HNF1B: variants seen among roughly 807,000 people sequenced by gnomAD.
HNF1B encodes hepatocyte nuclear factor 1-beta.
A neutral mutation model predicts 61.7 loss-of-function variants in HNF1B; 8 were observed. The observed-to-expected ratio is 0.13, with a 90% CI of 0.08 to 0.23. The LOEUF (loss-of-function observed/expected upper bound fraction) is 0.23. Among genes scored for constraint, HNF1B ranks in the 10% least tolerant of loss-of-function variants. The pLI, the probability that HNF1B is intolerant of heterozygous loss-of-function variation, is 1.00. For missense variants in HNF1B, 562 were observed against 714.5 expected (o/e 0.79, Z 2.43); for synonymous variants, 314 against 287.7 (o/e 1.09, Z -0.93).
intron 8 of HNF1B, among the ~76,000 whole-genome samples, chr17:37,696,184 C>A (rs928497438): frequency 1.3e-5 from 2 of 152,102 alleles, no homozygotes; most frequent in African/African-American, 4.8e-5. Flanking sequence ...GTGGCTCACA[C>A]CTGTAATCCC....
At chr17:37,718,876 ACT>A (rs1389770838) in intron 4 of HNF1B, among the ~76,000 whole-genome samples, 1 of 152,172 alleles carries the variant, frequency 6.6e-6, no homozygotes, top group Non-Finnish European at 1.5e-5. Context: ...TCACCTTTAG[ACT>A]GTTGAGTTGA....
chr17:37,727,703 G>C (rs559860545), intron 4 of HNF1B, among the ~76,000 whole-genome samples: 2 of 152,284 alleles, frequency 1.3e-5, no homozygotes, highest in African/African-American at 4.8e-5. Flanking sequence ...TCCAGGACTA[G>C]GGTCACACCG....
chr17:37,720,817 G>A, intron 4 of HNF1B: 2 of 985,210 alleles, frequency 2.0e-6, no homozygotes, highest in South Asian at 9.4e-5. Flanking sequence ...GAGACTTCAG[G>A]GACCTTCTTC....
At chr17:37,743,498 A>G (rs901956861) in intron 1 of HNF1B, among the ~76,000 whole-genome samples, 2 of 152,254 alleles carry the variant, frequency 1.3e-5, no homozygotes, top group Non-Finnish European at 2.9e-5. Context: ...CTCGGAGCAC[A>G]AATTCAAATG....
In HNF1B at chr17:37,701,068, C is replaced by T. The variant is rs969974096; in HGVS notation, c.1449G>A (p.Gln483=). ...CTGGGCTCTGCTGCATGAGGGGCTG[C>T]TGGTGAGGGCTGTGCAGCTGCTGGG... ...QFSQQLHSPH[Q]QPLMQQSPGS... The change falls in exon 7 of 9, where the codon CAG becomes CAA. Residue 483 remains glutamine, a synonymous_variant. Transcript: ENST00000617811. The T allele has an allele frequency of 1.5e-5, 23 of 1,554,242 alleles. No individual in the cohort carries two copies. The highest frequency in any genetic ancestry group is 1.8e-5 in the Non-Finnish European group (21 of 1,148,680).
In HNF1B at chr17:37,704,096, G is replaced by A. The variant is rs182380966; in HGVS notation, c.1339+821C>T. ...CACAAGGATGGTTTTGAGAAACAAC[G>A]ACACCTGAGCTGTCATAGTGAAGCT... is the stretch of plus-strand genomic sequence containing the variant. On this transcript the variant is annotated intron_variant, in intron 6 of 8. Transcript: ENST00000617811. Among the ~76,000 whole-genome samples the A allele has an allele frequency of 4.8e-3, 729 of 152,278 alleles. 1 individual carries two copies. The highest frequency in any genetic ancestry group is 6.3e-3 in the Non-Finnish European group (429 of 68,024).
Position 37,699,089 on chromosome 17 carries a change from G to A in HNF1B, c.1640C>T (p.Ser547Phe), listed in dbSNP as rs768867418. 3.1e-6 allele frequency: 5 copies of A among 1,612,610 alleles called. No homozygotes were observed. The highest frequency in any genetic ancestry group is 4.2e-6 in the Non-Finnish European group (5 of 1,178,746). ...TGCTGGCATTACCTGTTTACTTGAA[G>A]ACATGTTGGTGAGTGTACTGATGCT... ...TSSISTLTNMSSSKQCPLQAW is the reference protein window; with the variant it reads ...TSSISTLTNMFSSKQCPLQAW The change falls in exon 8 of 9, where the codon TCT becomes TTT. Residue 547 changes from serine (S) to phenylalanine (F), a missense_variant. Around this residue, in one of 6 missense-constraint regions of HNF1B, gnomAD observed 64 missense variants for 96.9 expected, o/e 0.66. Coordinates refer to ENST00000617811, the MANE Select transcript of HNF1B (RefSeq NM_000458.4).
chr17:37,686,993 CAT>C lies in HNF1B; in HGVS notation c.*377_*378del, dbSNP rs1190677130. The stretch of plus-strand genomic sequence containing the variant: ...GTGTGTTTGGCTCAGTTCAATAGCA[CAT>C]GTCCTTCTCTCCTCATTTCAGTAAC... On this transcript the variant is annotated 3_prime_UTR_variant, in exon 9 of 9. Transcript: ENST00000617811. The C allele has an allele frequency of 4.2e-6, 2 of 474,356 alleles. No individual in the cohort carries two copies. The highest frequency in any genetic ancestry group is 3.9e-5 in the African/African-American group (2 of 51,098). The allele number at this position is 474,356 out of a possible 1,614,324, so 29.4% of individuals were successfully genotyped here. A position where few individuals can be genotyped will look rare whatever the true frequency, so the allele number is the denominator to read the frequency against.
In HNF1B at chr17:37,698,911, C is replaced by CT. The variant is rs11350722; in HGVS notation, c.1653+164dup. ...CAATAAGCCCTTTCAGCCTGTGGCC[C>CT]TTTTTTTTTTGCCCTGGGACCTTAA... On this transcript the variant is annotated intron_variant, in intron 8 of 8. Transcript: ENST00000617811. Among the ~76,000 whole-genome samples, 11 of 150,172 alleles carry CT rather than the reference C, an allele frequency of 7.3e-5. No individual in the cohort carries two copies. In the South Asian group the frequency reaches 8.5e-4, roughly 12 times the overall value.
intron 7 of HNF1B, among the ~76,000 whole-genome samples, chr17:37,699,553 C>T (rs2032496399): frequency 6.6e-6 from 1 of 152,198 alleles, no homozygotes; most frequent in South Asian, 2.1e-4. Flanking sequence ...ACCATGGGCT[C>T]TCTCTTCATG....
At chr17:37,721,323 G>C (rs532281268) in intron 4 of HNF1B, among the ~76,000 whole-genome samples, 44 of 152,254 alleles carry the variant, frequency 2.9e-4, no homozygotes, top group African/African-American at 1.1e-3. Flanking sequence ...AAGGAGCGAG[G>C]GAGTGAGGGA....
intron 4 of HNF1B, among the ~76,000 whole-genome samples, chr17:37,720,535 T>C (rs149165918): frequency 1.1e-3 from 162 of 152,042 alleles, no homozygotes; most frequent in Non-Finnish European, 2.1e-3. Flanking sequence ...ATAGCACATA[T>C]ATGCTATATA....
rs532739997 is a variant in HNF1B at position 37,723,167 on chromosome 17, G to A, written c.1045+8428C>T. Among the ~76,000 whole-genome samples, 6 of 149,754 alleles carry A rather than the reference G, an allele frequency of 4.0e-5. No individual in the cohort carries two copies. In the East Asian group the frequency reaches 7.8e-4, roughly 19 times the overall value. On this transcript the variant is annotated intron_variant, in intron 4 of 8. Coordinates refer to ENST00000617811, the MANE Select transcript of HNF1B (RefSeq NM_000458.4). ...ATCCTGGCTAACACGGTGAAACCCC[G>A]TCTCTACTAAAAAAAAAAAAATACA... is the stretch of plus-strand genomic sequence containing the variant.
At chr17:37,708,962 A>G (rs2032842697) in intron 5 of HNF1B, among the ~76,000 whole-genome samples, 1 of 152,120 alleles carries the variant, frequency 6.6e-6, no homozygotes, top group African/African-American at 2.4e-5. Context: ...CCTACACAGC[A>G]CACACGTCAA....
chr17:37,733,924 G>C, intron 2 of HNF1B, 103 bp from the exon 3 acceptor site: 3 of 1,383,684 alleles, frequency 2.2e-6, no homozygotes, highest in Non-Finnish European at 3.0e-6. Context: ...TATTCCCCTC[G>C]TCTAACTAAG....
chr17:37,715,357 C>G (rs937417604), intron 4 of HNF1B, among the ~76,000 whole-genome samples: 1 of 152,178 alleles, frequency 6.6e-6, no homozygotes, highest in Non-Finnish European at 1.5e-5. Flanking sequence ...ATGCCCCAGA[C>G]AAGGAGCATC....
chr17:37,730,702 T>G (rs1046724294), intron 4 of HNF1B: 1 of 152,316 alleles, frequency 6.6e-6, no homozygotes, highest in Non-Finnish European at 1.5e-5. Flanking sequence ...AGTGTTTGGC[T>G]TTCCTTTCGC....
At chr17:37,712,505 G>C (rs1383775232) in intron 4 of HNF1B, among the ~76,000 whole-genome samples, 2 of 152,170 alleles carry the variant, frequency 1.3e-5, no homozygotes, top group Non-Finnish European at 2.9e-5. Flanking sequence ...AGTTCAAAGT[G>C]TTGTTACATG....
intron 1 of HNF1B, among the ~76,000 whole-genome samples, chr17:37,743,815 C>G (rs778574329): frequency 2.0e-5 from 3 of 152,236 alleles, no homozygotes; most frequent in Non-Finnish European, 4.4e-5. Flanking sequence ...CCTCCTTTCT[C>G]AGACTGAGAC....
Sources: gnomAD v4.1 joint callset for allele counts (sites outside exome capture counted in the v4.1 genomes callset) on GRCh38, gnomAD v4.1.1 for gene constraint, gnomAD v4.1.1 regional missense constraint, MANE v1.5 for transcripts, NCBI Gene and HGNC (gene_info 2026-07-23, HGNC 2026-07-21) for gene names.